Variants in FER observed in about 807,000 individuals in gnomAD.
The protein encoded by FER is FER tyrosine kinase.
FER carries 63 observed loss-of-function variants against 111.0 expected under a neutral mutation model. The observed-to-expected ratio is 0.57, with a 90% CI of 0.46 to 0.70. FER has a LOEUF of 0.70. Ranked by LOEUF, FER falls within the 30% of genes least tolerant of loss-of-function variation. The probability of loss-of-function intolerance (pLI) is 0.00; values close to 1 mark genes in which losing one functional copy is unlikely to be tolerated. For synonymous variants in FER, 327 were observed against 313.9 expected (o/e 1.04, Z -0.44); for missense variants, 914 against 954.0 (o/e 0.96, Z 0.55).
intron 1 of FER, chr5:108,748,477 C>T (rs3828655): frequency 0.24 from 36,129 of 152,302 alleles, 4,791 homozygotes; most frequent in African/African-American, 0.36. Context: ...ACTTCCCGGC[C>T]GCGGCCAGGC....
rs76805833 is a variant in FER, at chr5:108,928,110, G to A, written c.1237-18020G>A. Among the ~76,000 whole-genome samples, 187 of 152,300 alleles carry A rather than the reference G, an allele frequency of 1.2e-3. 1 individual carries two copies. The East Asian group carries it at 0.03, about 24-fold the overall frequency. On this transcript the variant is annotated intron_variant, in intron 10 of 19. Coordinates refer to ENST00000281092, the MANE Select transcript of FER (RefSeq NM_005246.4). ...AGATAATATGGCTTAGCACAGTACC[G>A]CTAGTTTGATTGCTGTAGTTTGTTC...
intron 10 of FER, among the ~76,000 whole-genome samples, chr5:108,911,120 G>A (rs764122837): frequency 5.3e-5 from 8 of 151,886 alleles, no homozygotes; most frequent in Non-Finnish European, 1.0e-4. Flanking sequence ...CACCACATCC[G>A]CACTAGCATC....
intron 10 of FER, among the ~76,000 whole-genome samples, chr5:108,928,795 TAAA>T (rs140478263): frequency 0.027 from 4,101 of 152,072 alleles, 71 homozygotes; most frequent in African/African-American, 0.052. Flanking sequence ...GCTCTTTTCT[TAAA>T]GAAGAGGGTG....
intron 5 of FER, 172 bp downstream of exon 5, chr5:108,835,979 C>T (rs1004902899): frequency 1.3e-5 from 5 of 381,014 alleles, no homozygotes; most frequent in Middle Eastern, 7.5e-4. Context: ...TACTAATTTT[C>T]CATTGCTTTA....
intron 10 of FER, among the ~76,000 whole-genome samples, chr5:108,916,998 A>G (rs888986095): frequency 1.3e-5 from 2 of 152,154 alleles, no homozygotes; most frequent in African/African-American, 4.8e-5. Flanking sequence ...GTGATACAGT[A>G]TTCTGTATCA....
intron 16 of FER, among the ~76,000 whole-genome samples, chr5:109,049,179 A>C (rs76630126): frequency 2.6e-5 from 4 of 152,312 alleles, no homozygotes; most frequent in South Asian, 4.1e-4. Context: ...AATTATCACA[A>C]CCTGAGGGCT....
chr5:108,833,494 T>TTG (rs1392636916), intron 4 of FER, among the ~76,000 whole-genome samples: 1 of 151,832 alleles, frequency 6.6e-6, no homozygotes, highest in East Asian at 1.9e-4. Context: ...ACCCACTTTT[T>TTG]TTTTTTTTAC....
chr5:109,077,760 A>T (rs1369049902), intron 16 of FER, among the ~76,000 whole-genome samples: 3 of 152,208 alleles, frequency 2.0e-5, no homozygotes, highest in African/African-American at 7.2e-5. Context: ...ATTAAGGAAC[A>T]ATGAAAAAGC....
At chr5:109,177,071 T>G (rs1486541111) in intron 17 of FER, among the ~76,000 whole-genome samples, 2 of 152,164 alleles carry the variant, frequency 1.3e-5, no homozygotes, top group Admixed American at 1.3e-4. Flanking sequence ...TGTGTTTAAA[T>G]TTTTAAAGAA....
intron 16 of FER, among the ~76,000 whole-genome samples, chr5:109,093,953 T>C (rs2150050431): frequency 6.6e-6 from 1 of 152,232 alleles, no homozygotes; most frequent in African/African-American, 2.4e-5. Flanking sequence ...AGAGGCAACT[T>C]TGAGAGGGAT....
chr5:109,159,130 G>A (rs1461030340), intron 17 of FER, among the ~76,000 whole-genome samples: 2 of 152,070 alleles, frequency 1.3e-5, no homozygotes, highest in African/African-American at 2.4e-5. Context: ...TTGGGTAAAA[G>A]CTACTCTTCT....
At chr5:109,120,459 T>C (rs550316332) in intron 17 of FER, among the ~76,000 whole-genome samples, 1 of 152,228 alleles carries the variant, frequency 6.6e-6, no homozygotes, top group South Asian at 2.1e-4. Context: ...ATGGTCTTTG[T>C]GTCTATTTTT....
At chr5:109,012,047 G>A (rs1443146750) in intron 13 of FER, among the ~76,000 whole-genome samples, 3 of 152,140 alleles carry the variant, frequency 2.0e-5, no homozygotes, top group Non-Finnish European at 4.4e-5. Context: ...TTAGCCCTCA[G>A]TCCTTGATCA....
At chr5:108,819,092 T>G (rs1758565505) in intron 3 of FER, among the ~76,000 whole-genome samples, 1 of 152,034 alleles carries the variant, frequency 6.6e-6, no homozygotes. Flanking sequence ...CATAGCTCAC[T>G]GTAGCCTTTA....
chr5:109,091,989 C>A (rs950274711), intron 16 of FER, among the ~76,000 whole-genome samples: 3 of 151,634 alleles, frequency 2.0e-5, no homozygotes, highest in Admixed American at 6.6e-5. Context: ...CTTTTTTGCC[C>A]TTCTATCCCT....
intron 1 of FER, among the ~76,000 whole-genome samples, chr5:108,749,507 C>T (rs1231852864): frequency 1.3e-5 from 2 of 152,176 alleles, no homozygotes; most frequent in Non-Finnish European, 2.9e-5. Context: ...GCTACGGGGG[C>T]ATTCTCAACC....
intron 12 of FER, 58 bp from the exon 13 acceptor site, chr5:108,959,167 T>C (rs1429196221): frequency 9.0e-6 from 14 of 1,547,356 alleles, no homozygotes; most frequent in Non-Finnish European, 1.2e-5. Flanking sequence ...TATCAATGAA[T>C]GTAGATTTTC....
chr5:109,081,639 A>G (rs1339669652), intron 16 of FER, among the ~76,000 whole-genome samples: 2 of 152,014 alleles, frequency 1.3e-5, no homozygotes, highest in African/African-American at 4.8e-5. Flanking sequence ...CTTAGGAGGA[A>G]ACTTAAATAG....
rs1020395305 is a variant in FER at position 108,747,929 on chromosome 5, A to G, written c.-277A>G. The G allele has an allele frequency of 1.1e-4, 16 of 152,190 alleles. No individual in the cohort carries two copies. Among genetic ancestry groups the G allele is most frequent in the African/African-American group, 3.9e-4 (16 of 41,438 alleles). 9.4% of individuals were successfully genotyped at this position (152,190 alleles called of 1,614,324 possible). A position where few individuals can be genotyped will look rare whatever the true frequency, so the allele number is the denominator to read the frequency against. On this transcript the variant is annotated 5_prime_UTR_variant, in exon 1 of 20. Transcript: ENST00000281092. ...TTTCACCAAATTCTTTTGGTGAAGG[A>G]CGCTTCAGAAACGGCCATCACTGAA...
Sources: allele counts gnomAD v4.1 joint callset (sites outside exome capture counted in the v4.1 genomes callset), GRCh38; gene constraint gnomAD v4.1.1; transcripts MANE v1.5; gene names NCBI Gene and HGNC (gene_info 2026-07-23, HGNC 2026-07-21).